The following EARS2 variants were observed in gnomAD, a reference collection of about 807,000 sequenced individuals.
EARS2 encodes the protein nondiscriminating glutamyl-tRNA synthetase EARS2, mitochondrial.
A neutral mutation model predicts 54.1 loss-of-function variants in EARS2; 50 were observed. The observed-to-expected ratio is 0.92, with a 90% CI of 0.74 to 1.17. EARS2 has a LOEUF of 1.17. EARS2 is among the 50% of genes most tolerant of loss of function. EARS2 has a pLI of 0.00. For missense variants in EARS2, 673 were observed against 675.0 expected (o/e 1.00, Z 0.03); for synonymous variants, 298 against 281.0 (o/e 1.06, Z -0.61).
At chr16:23,547,028 C>T (rs1229765614) in intron 2 of EARS2, among the ~76,000 whole-genome samples, 1 of 152,116 alleles carries the variant, frequency 6.6e-6, no homozygotes, top group African/African-American at 2.4e-5. Flanking sequence ...GAGGGACTCC[C>T]CTAGGAGAAC....
rs751416305 is a variant in EARS2, at chr16:23,523,667, A to G, written c.*704T>C. 3.3e-5 allele frequency: 5 copies of G among 152,286 alleles called. No homozygotes were observed. Among genetic ancestry groups the G allele is most frequent in the Admixed American group, 2.0e-4 (3 of 15,264 alleles). The allele number at this position is 152,286 out of a possible 1,614,324, so 9.4% of individuals were successfully genotyped here. A position where few individuals can be genotyped will look rare whatever the true frequency, so the allele number is the denominator to read the frequency against. On this transcript the variant is annotated 3_prime_UTR_variant, in exon 9 of 9. Transcript: ENST00000449606. ...CTGCTGCCCAGCTGCTACGGGCTGA[A>G]TTCTGTCCCCCTAAATTCTTACGTT... is the stretch of plus-strand genomic sequence containing the variant.
intron 1 of EARS2, chr16:23,556,970 G>GA (rs1200970120): frequency 1.4e-5 from 10 of 716,190 alleles, no homozygotes; most frequent in East Asian, 1.1e-4. Context: ...TGGAATGCAT[G>GA]AAAAAAAGAT....
At chr16:23,533,544 A>C (rs1457221626) in intron 4 of EARS2, among the ~76,000 whole-genome samples, 2 of 152,162 alleles carry the variant, frequency 1.3e-5, no homozygotes, top group East Asian at 1.9e-4. Context: ...ATATATCAAG[A>C]GCCTGAATGA....
At chr16:23,546,276 G>A (rs1203870645) in intron 2 of EARS2, 2 of 405,648 alleles carry the variant, frequency 4.9e-6, no homozygotes, top group South Asian at 3.5e-5. Flanking sequence ...TGGTGTTTCT[G>A]CCCTCAAAGA....
chr16:23,523,153 A>C lies in EARS2; in HGVS notation c.*1218T>G, dbSNP rs2088420986. 1 of 152,314 alleles carries C rather than the reference A, an allele frequency of 6.6e-6. No homozygotes were observed. The highest frequency in any genetic ancestry group is 2.4e-5 in the African/African-American group (1 of 41,482). 9.4% of individuals were successfully genotyped at this position (152,314 alleles called of 1,614,324 possible). A position where few individuals can be genotyped will look rare whatever the true frequency, so the allele number is the denominator to read the frequency against. On this transcript the variant is annotated 3_prime_UTR_variant, in exon 9 of 9. Transcript: ENST00000449606. ...ACCACACAAGGGTGTGAATAGAAGA[A>C]GGCAGGGATGGTTGGGGGCCAACTT... is the stretch of plus-strand genomic sequence containing the variant.
intron 2 of EARS2, chr16:23,544,926 C>T: frequency 2.4e-6 from 1 of 422,294 alleles, no homozygotes; most frequent in Middle Eastern, 6.2e-4. Context: ...ACTGCAACCT[C>T]CACCTCCCAA....
intron 3 of EARS2, among the ~76,000 whole-genome samples, chr16:23,538,221 GA>G (rs1163894326): frequency 3.3e-5 from 5 of 152,020 alleles, no homozygotes; most frequent in African/African-American, 1.2e-4. Flanking sequence ...ACCCAGGCTG[GA>G]GTGCAGCGGC....
chr16:23,532,039 C>T (rs901734002), intron 5 of EARS2, among the ~76,000 whole-genome samples: 1 of 152,182 alleles, frequency 6.6e-6, no homozygotes, highest in African/African-American at 2.4e-5. Context: ...TCTCGAACTC[C>T]TGACCTCAGG....
chr16:23,555,145 C>T (rs1965755280), intron 1 of EARS2, among the ~76,000 whole-genome samples: 1 of 152,146 alleles, frequency 6.6e-6, no homozygotes, highest in Admixed American at 6.6e-5. Flanking sequence ...TTATTATTAG[C>T]CCCGTTTTGA....
In EARS2 at chr16:23,521,881, T is replaced by C; in HGVS notation, c.*2490A>G. ...AACACTCAGTAGATCAGAGTTAAGCTTGGACTCTGGATCGGCACAGATCTG... is the reference window on the plus strand; with the variant it reads ...AACACTCAGTAGATCAGAGTTAAGCCTGGACTCTGGATCGGCACAGATCTG... On this transcript the variant is annotated 3_prime_UTR_variant, in exon 9 of 9. Coordinates refer to ENST00000449606, the MANE Select transcript of EARS2 (RefSeq NM_001083614.2). The C allele has an allele frequency of 2.2e-6, 1 of 455,964 alleles. No homozygotes were observed. Among genetic ancestry groups the C allele is most frequent in the Middle Eastern group, 3.3e-4 (1 of 3,070 alleles). The allele number at this position is 455,964 out of a possible 1,614,324, so 28.2% of individuals were successfully genotyped here.
In EARS2 at chr16:23,521,991, G is replaced by GAA; in HGVS notation, c.*2378_*2379dup. On this transcript the variant is annotated 3_prime_UTR_variant, in exon 9 of 9. Transcript: ENST00000449606. ...AACCTCGGTTTCCATATCTGTAACA[G>GAA]AAAAAAAAAATACTGCTTCTCTCAT... The GAA allele has an allele frequency of 6.8e-6, 2 of 294,030 alleles. No individual in the cohort carries two copies. Among genetic ancestry groups the GAA allele is most frequent in the South Asian group, 2.8e-5 (1 of 35,112 alleles). 18.2% of individuals were successfully genotyped at this position (294,030 alleles called of 1,614,324 possible). A position where few individuals can be genotyped will look rare whatever the true frequency, so the allele number is the denominator to read the frequency against.
At chr16:23,538,080 G>A (rs1156341831) in intron 3 of EARS2, among the ~76,000 whole-genome samples, 1 of 103,438 alleles carries the variant, frequency 9.7e-6, no homozygotes, top group Non-Finnish European at 2.2e-5. Context: ...ACCGCACCTA[G>A]CTGGAACAGA....
In EARS2 at chr16:23,522,862, C is replaced by CTTGGCTGGAATTGAAGGACCAGCT. The variant is rs1029904734; in HGVS notation, c.*1485_*1508dup. On this transcript the variant is annotated 3_prime_UTR_variant, in exon 9 of 9. Transcript: ENST00000449606. ...AGCTAGGATTGCGGTCATGTGAATG[C>CTTGGCTGGAATTGAAGGACCAGCT]TTGGCTGGAATTGAAGGACCAGCTT... The CTTGGCTGGAATTGAAGGACCAGCT allele has an allele frequency of 6.6e-6, 1 of 152,184 alleles. No homozygotes were observed. Among genetic ancestry groups the CTTGGCTGGAATTGAAGGACCAGCT allele is most frequent in the African/African-American group, 2.4e-5 (1 of 41,452 alleles). The allele number at this position is 152,184 out of a possible 1,614,324, so 9.4% of individuals were successfully genotyped here.
chr16:23,522,035 T>C lies in EARS2; in HGVS notation c.*2336A>G. 3.0e-6 allele frequency: 1 copy of C among 334,138 alleles called. No individual in the cohort carries two copies. The highest frequency in any genetic ancestry group is 2.4e-5 in the South Asian group (1 of 41,786). 20.7% of individuals were successfully genotyped at this position (334,138 alleles called of 1,614,324 possible). A position where few individuals can be genotyped will look rare whatever the true frequency, so the allele number is the denominator to read the frequency against. ...CTCTCATAGTGTTATAAAAAAAATT[T>C]ACTGAGATGATGGACTAAGGCATTT... On this transcript the variant is annotated 3_prime_UTR_variant, in exon 9 of 9. Transcript: ENST00000449606.
At chr16:23,540,382 C>T (rs556997853) in intron 3 of EARS2, among the ~76,000 whole-genome samples, 13 of 152,298 alleles carry the variant, frequency 8.5e-5, no homozygotes, top group Admixed American at 3.3e-4. Flanking sequence ...TCACCGTAAA[C>T]GTCATGACCT....
chr16:23,524,142 T>C lies in EARS2; in HGVS notation c.*229A>G. ...TGTGTGAGAAACCAGACCCGGAGAA[T>C]GCCTTTCCAGAGTCCAGGAGGTTAG... On this transcript the variant is annotated 3_prime_UTR_variant, in exon 9 of 9. Transcript: ENST00000449606. 1 of 580,110 alleles carries C rather than the reference T, an allele frequency of 1.7e-6. No homozygotes were observed. The highest frequency in any genetic ancestry group is 3.1e-6 in the Non-Finnish European group (1 of 324,836). The allele number at this position is 580,110 out of a possible 1,614,324, so 35.9% of individuals were successfully genotyped here.
intron 2 of EARS2, among the ~76,000 whole-genome samples, chr16:23,548,979 C>T (rs1965650752): frequency 6.6e-6 from 1 of 152,154 alleles, no homozygotes; most frequent in Admixed American, 6.5e-5. Flanking sequence ...TCCCTTCTGT[C>T]ATTCAATAAA....
chr16:23,525,103 T>G (rs756687521), intron 8 of EARS2, 141 bp downstream of exon 8: 36 of 1,121,876 alleles, frequency 3.2e-5, no homozygotes, highest in South Asian at 2.3e-4. Flanking sequence ...TAGTGTCTGT[T>G]GATTGACTAA....
intron 7 of EARS2, among the ~76,000 whole-genome samples, chr16:23,526,261 T>A (rs1387249474): frequency 6.6e-6 from 1 of 151,542 alleles, no homozygotes; most frequent in Non-Finnish European, 1.5e-5. Flanking sequence ...TACAGGCACG[T>A]GCCACCACGC....
Sources: allele counts gnomAD v4.1 joint callset (sites outside exome capture counted in the v4.1 genomes callset), GRCh38; gene constraint gnomAD v4.1.1; transcripts MANE v1.5; gene names NCBI Gene and HGNC (gene_info 2026-07-23, HGNC 2026-07-21).